QARS1: variants seen among roughly 807,000 people sequenced by gnomAD.
The protein encoded by QARS1 is glutamine--tRNA ligase.
In QARS1, 79 loss-of-function variants were observed where a neutral mutation model predicts 106.9. The observed-to-expected ratio is 0.74, with a 90% CI of 0.62 to 0.89. The LOEUF (loss-of-function observed/expected upper bound fraction) is 0.89, where lower values mean the gene tolerates loss of function less well. QARS1 is among the 40% of genes least tolerant of loss of function. The pLI, the probability that QARS1 is intolerant of heterozygous loss-of-function variation, is 0.00. For missense variants in QARS1, 966 were observed against 997.2 expected (o/e 0.97, Z 0.42); for synonymous variants, 395 against 367.7 (o/e 1.07, Z -0.85).
chr3:49,100,414 G>A lies in QARS1; in HGVS notation c.1021C>T (p.Gln341Ter). The A allele has an allele frequency of 6.2e-7, 1 of 1,614,232 alleles. No homozygotes were observed. The highest frequency in any genetic ancestry group is 8.5e-7 in the Non-Finnish European group (1 of 1,180,042). The change falls in exon 12 of 24, where the codon CAG becomes TAG. Residue 341 changes from glutamine to a stop codon, truncating the protein, a stop_gained. Transcript: ENST00000306125. LOFTEE classifies it high-confidence loss of function. Reference sequence around the variant, plus strand: ...AGCTCCACAGCCCACGCATATAGCTGGTCAAAATAGTCAGACGCATATGTG... The same window carrying A: ...AGCTCCACAGCCCACGCATATAGCTAGTCAAAATAGTCAGACGCATATGTG... ...KVTYASDYFD[Q>*]LYAWAVELIR... is the part of the protein sequence containing the mutation.
chr3:49,096,812 A>C (rs1243862838), intron 23 of QARS1, among the ~76,000 whole-genome samples: 2 of 126,588 alleles, frequency 1.6e-5, no homozygotes, highest in African/African-American at 5.7e-5. Flanking sequence ...AAAAAAAAAA[A>C]AAAAAAAAAA....
chr3:49,100,167 C>G, intron 13 of QARS1, 23 bp downstream of exon 13: 1 of 1,614,192 alleles, frequency 6.2e-7, no homozygotes, highest in African/African-American at 1.3e-5. Context: ...CACCCAAACC[C>G]AGATGCTCCT....
At position 49,103,456 on chromosome 3, in the gene QARS1, T is replaced by TC. The variant is rs762342436; in HGVS notation, c.452-48dup. The TC allele has an allele frequency of 3.7e-6, 6 of 1,604,530 alleles. No individual in the cohort carries two copies. The Admixed American group carries it at 5.0e-5, about 13-fold the overall frequency. On this transcript the variant is annotated intron_variant, in intron 4 of 23. Coordinates refer to ENST00000306125, the MANE Select transcript of QARS1 (RefSeq NM_005051.3). ...GCTGCAGAAAGGCAAAAAAGAGTAC[T>TC]CCCCCCACCTCTTTCCCAAGGAAAG...
intron 23 of QARS1, among the ~76,000 whole-genome samples, chr3:49,096,814 A>C (rs1205615432): frequency 7.5e-6 from 1 of 133,086 alleles, no homozygotes; most frequent in African/African-American, 2.7e-5. Context: ...AAAAAAAAAA[A>C]AAAAAAAAAA....
At chr3:49,096,305 G>A (rs2042390158) in intron 23 of QARS1, among the ~76,000 whole-genome samples, 1 of 152,222 alleles carries the variant, frequency 6.6e-6, no homozygotes, top group Non-Finnish European at 1.5e-5. Context: ...CACCGTGGGG[G>A]TCCAGGGTAT....
chr3:49,101,460 G>A lies in QARS1; in HGVS notation c.790-19C>T. ...TACGTACCTAAAATAAGGGGGATGG[G>A]AAAAGAGAAATAAAGTCTGAGCTCA... is the stretch of plus-strand genomic sequence containing the variant. On this transcript the variant is annotated intron_variant, in intron 9 of 23. Transcript: ENST00000306125. 2 of 1,600,756 alleles carry A rather than the reference G, an allele frequency of 1.2e-6. No homozygotes were observed. Among genetic ancestry groups the A allele is most frequent in the African/African-American group, 1.3e-5 (1 of 74,708 alleles).
Position 49,100,476 on chromosome 3 carries a change from A to G in QARS1, c.977-18T>C. ...TGTGTAGCCTGGGGCAAAATGAAAC[A>G]AAGTATGAGCAGCCAGCCACAAACA... On this transcript the variant is annotated intron_variant, in intron 11 of 23. Coordinates refer to ENST00000306125, the MANE Select transcript of QARS1 (RefSeq NM_005051.3). The G allele has an allele frequency of 6.2e-7, 1 of 1,613,110 alleles. No individual in the cohort carries two copies. Among genetic ancestry groups the G allele is most frequent in the South Asian group, 1.1e-5 (1 of 91,050 alleles).
chr3:49,102,194 A>C lies in QARS1; in HGVS notation c.631+11T>G. The C allele has an allele frequency of 1.2e-6, 2 of 1,614,186 alleles. No homozygotes were observed. The highest frequency in any genetic ancestry group is 1.7e-6 in the Non-Finnish European group (2 of 1,180,020). On this transcript the variant is annotated intron_variant, in intron 7 of 23. Coordinates refer to ENST00000306125, the MANE Select transcript of QARS1 (RefSeq NM_005051.3). The stretch of plus-strand genomic sequence containing the variant: ...AGCTGAATGCTGTGACAGGAGTCTC[A>C]AGCTTCTCACCATTCTCCACCACAT...
rs2042413255 is a variant in QARS1 at position 49,098,009 on chromosome 3, C to T, written c.2260G>A (p.Asp754Asn). 6.2e-7 allele frequency: 1 copy of T among 1,614,220 alleles called. No homozygotes were observed. Among genetic ancestry groups the T allele is most frequent in the Non-Finnish European group, 8.5e-7 (1 of 1,180,034 alleles). The change falls in exon 23 of 24, where the codon GAC becomes AAC. Residue 754 changes from aspartate (D) to asparagine (N), a missense_variant. Transcript: ENST00000306125. ...TCAAGCACCTTTCCCTGATGGCTGT[C>T]TGGATCCACGGAGAAATATCCAAGA... ...ERLGYFSVDP[D>N]SHQGKLVFNR... is the part of the protein sequence containing the mutation.
At position 49,104,701 on chromosome 3, in the gene QARS1, A is replaced by G. The variant is rs754372622; in HGVS notation, c.33T>C (p.Thr11=). Residue 11 remains threonine, a synonymous_variant, in exon 1 of 24, where the codon ACT becomes ACC. Transcript: ENST00000306125. ...CCTTCTGCTCGCTCAGGCCGAGGCTAGTGAAGAGCGACAGGGAGTCTAGAG... is the reference window on the plus strand; with the variant it reads ...CCTTCTGCTCGCTCAGGCCGAGGCTGGTGAAGAGCGACAGGGAGTCTAGAG... MAALDSLSLF[T]SLGLSEQKAR... 6.2e-6 allele frequency: 10 copies of G among 1,612,676 alleles called. No homozygotes were observed. Among genetic ancestry groups the G allele is most frequent in the Non-Finnish European group, 1.7e-6 (2 of 1,179,376 alleles).
chr3:49,098,696 G>C lies in QARS1; in HGVS notation c.1864-4C>G, dbSNP rs779126108. 1 of 1,588,356 alleles carries C rather than the reference G, an allele frequency of 6.3e-7. No individual in the cohort carries two copies. The highest frequency in any genetic ancestry group is 8.6e-7 in the Non-Finnish European group (1 of 1,168,358). Reference sequence around the variant, plus strand: ...GCTTAAATCCTGGCTCTGGCTCCTAGAGATAGGAAGTGGGGTAGACACATG... The same window carrying C: ...GCTTAAATCCTGGCTCTGGCTCCTACAGATAGGAAGTGGGGTAGACACATG... On this transcript the variant is annotated splice_region_variant and splice_polypyrimidine_tract_variant and intron_variant, in intron 19 of 23. Coordinates refer to ENST00000306125, the MANE Select transcript of QARS1 (RefSeq NM_005051.3).
At position 49,102,206 on chromosome 3, in the gene QARS1, ATTC is replaced by A. The variant is rs1230156980; in HGVS notation, c.627_629del (p.Glu209_Asn210delinsAsp). 3 of 1,614,032 alleles carry A rather than the reference ATTC, an allele frequency of 1.9e-6. No homozygotes were observed. The highest frequency in any genetic ancestry group is 2.5e-6 in the Non-Finnish European group (3 of 1,180,026). ...TGACAGGAGTCTCAAGCTTCTCACC[ATTC>A]TCCACCACATCCTTTGCCGTCCTCC... On this transcript the variant is annotated inframe_deletion and splice_region_variant, in exon 7 of 24. Transcript: ENST00000306125.
intron 7 of QARS1, 88 bp from the exon 8 acceptor site, chr3:49,101,987 C>T: frequency 1.4e-6 from 2 of 1,412,522 alleles, no homozygotes; most frequent in Non-Finnish European, 1.9e-6. Context: ...ACCCCTATTC[C>T]CTCAATTCCA....
chr3:49,103,517 A>G lies in QARS1; in HGVS notation c.452-108T>C, dbSNP rs2042498270. ...ACCACCAGAACCAGAGCCTGAGCCC[A>G]GCCAGACCACTTTAAGTCACTCCTG... On this transcript the variant is annotated intron_variant, in intron 4 of 23. Coordinates refer to ENST00000306125, the MANE Select transcript of QARS1 (RefSeq NM_005051.3). 7.6e-6 allele frequency: 12 copies of G among 1,569,732 alleles called. No homozygotes were observed. In the South Asian group the frequency reaches 1.3e-4, roughly 17 times the overall value.
At chr3:49,100,800 T>G (rs1476131078) in intron 10 of QARS1, 126 bp from the exon 11 acceptor site, 1 of 818,880 alleles carries the variant, frequency 1.2e-6, no homozygotes, top group Non-Finnish European at 2.1e-6. Context: ...GATGGAGTCT[T>G]GATTATCTTG....
At position 49,098,221 on chromosome 3, in the gene QARS1, G is replaced by A. The variant is rs778699748; in HGVS notation, c.2122C>T (p.Pro708Ser). 4.3e-6 allele frequency: 7 copies of A among 1,614,154 alleles called. No individual in the cohort carries two copies. Among genetic ancestry groups the A allele is most frequent in the Admixed American group, 3.3e-5 (2 of 60,014 alleles). ...TTCAGGTCACTTAAAAATCCACCAG[G>A]CACCTCAGTAGGATCTTCAGGGTTC... is the stretch of plus-strand genomic sequence containing the variant. ...HKNPEDPTEV[P>S]GGFLSDLNLA... Residue 708 changes from proline (P) to serine (S), a missense_variant, in exon 22 of 24, where the codon CCT becomes TCT. Pro to Ser is a moderately conservative substitution (Grantham distance 74). Transcript: ENST00000306125.
chr3:49,103,961 A>G lies in QARS1; in HGVS notation c.277T>C (p.Tyr93His), dbSNP rs1205366710. The G allele has an allele frequency of 2.5e-6, 4 of 1,613,580 alleles. No individual in the cohort carries two copies. Among genetic ancestry groups the G allele is most frequent in the African/African-American group, 2.7e-5 (2 of 74,892 alleles). Residue 93 changes from tyrosine to histidine, a missense_variant, in exon 3 of 24, where the codon TAT becomes CAT. Transcript: ENST00000306125. ...TEPQLSAALE[Y>H]VRSHPLDPID... ...GGGTCCAAGGGGTGACTCCGCACATACTCAAGGGCAGCTGAGAAGAAAGAG... is the reference window on the plus strand; with the variant it reads ...GGGTCCAAGGGGTGACTCCGCACATGCTCAAGGGCAGCTGAGAAGAAAGAG...
chr3:49,098,312 T>G, intron 21 of QARS1, 41 bp downstream of exon 21: 1 of 1,614,208 alleles, frequency 6.2e-7, no homozygotes, highest in Non-Finnish European at 8.5e-7. Flanking sequence ...GCAGGCAATG[T>G]GCATCTTGTA....
rs1171701223 is a variant in QARS1, at chr3:49,096,051, T to C, written c.2306A>G (p.Lys769Arg). The C allele has an allele frequency of 1.9e-6, 3 of 1,613,900 alleles. No individual in the cohort carries two copies. The highest frequency in any genetic ancestry group is 4.5e-5 in the East Asian group (2 of 44,876). Residue 769 changes from lysine to arginine, a missense_variant, in exon 24 of 24, where the codon AAG becomes AGG. Coordinates refer to ENST00000306125, the MANE Select transcript of QARS1 (RefSeq NM_005051.3). ...KLVFNRTVTL[K>R]EDPGKV Reference sequence around the variant, plus strand: ...AGCTCACACCTTTCCTGGGTCTTCCTTCAGTGTGACAGTTCGGTTAAAGAC... The same window carrying C: ...AGCTCACACCTTTCCTGGGTCTTCCCTCAGTGTGACAGTTCGGTTAAAGAC...
Sources: gnomAD v4.1 joint callset for allele counts (sites outside exome capture counted in the v4.1 genomes callset) on GRCh38, gnomAD v4.1.1 for gene constraint, MANE v1.5 for transcripts, NCBI Gene and HGNC (gene_info 2026-07-23, HGNC 2026-07-21) for gene names.